PACRG: variants seen among roughly 807,000 people sequenced by gnomAD.
PACRG encodes parkin coregulated gene protein.
In PACRG, 29 loss-of-function variants were observed where a neutral mutation model predicts 29.7. That is an observed-to-expected ratio of 0.98 (90% CI 0.73 to 1.33). The LOEUF (loss-of-function observed/expected upper bound fraction) is 1.33. PACRG is among the 40% of genes most tolerant of loss of function. The probability of loss-of-function intolerance (pLI) is 0.00; values close to 1 mark genes in which losing one functional copy is unlikely to be tolerated. For synonymous variants in PACRG, 116 were observed against 118.7 expected, an observed-to-expected ratio of 0.98 and a Z score of 0.15; for missense variants, 279 against 316.2, an observed-to-expected ratio of 0.88 and a Z score of 0.89.
At chr6:163,194,490 G>C (rs1780358314) in intron 4 of PACRG, among the ~76,000 whole-genome samples, 1 of 152,118 alleles carries the variant, frequency 6.6e-6, no homozygotes, top group Non-Finnish European at 1.5e-5. Flanking sequence ...CCTCCAGGCT[G>C]GTGGTGTCTG....
intron 4 of PACRG, among the ~76,000 whole-genome samples, chr6:163,277,651 A>ATGTG (rs568665734): frequency 6.8e-6 from 1 of 146,640 alleles, no homozygotes; most frequent in Non-Finnish European, 1.5e-5. Flanking sequence ...ATATATGTAT[A>ATGTG]TGTGTGTGTG....
At chr6:163,216,907 G>T (rs148550330) in intron 4 of PACRG, among the ~76,000 whole-genome samples, 1 of 152,166 alleles carries the variant, frequency 6.6e-6, no homozygotes, top group African/African-American at 2.4e-5. Context: ...CTTTCAACTT[G>T]CATTGTCTAA....
chr6:163,151,811 T>C (rs1286986115), intron 4 of PACRG, among the ~76,000 whole-genome samples: 1 of 152,248 alleles, frequency 6.6e-6, no homozygotes, highest in East Asian at 1.9e-4. Flanking sequence ...CAAAGCTGTA[T>C]GTCTAGAATG....
chr6:163,231,512 G>A (rs1305661340), intron 4 of PACRG, among the ~76,000 whole-genome samples: 2 of 152,138 alleles, frequency 1.3e-5, no homozygotes, highest in Non-Finnish European at 2.9e-5. Flanking sequence ...CACCCTGCAC[G>A]GATGCAGACA....
chr6:163,185,510 T>G (rs1471716099), intron 4 of PACRG, among the ~76,000 whole-genome samples: 1 of 152,152 alleles, frequency 6.6e-6, no homozygotes, highest in Non-Finnish European at 1.5e-5. Flanking sequence ...TGCAAATATA[T>G]AAGCCATTTT....
At chr6:163,074,839 T>C (rs756657565) in intron 3 of PACRG, among the ~76,000 whole-genome samples, 1 of 151,982 alleles carries the variant, frequency 6.6e-6, no homozygotes, top group African/African-American at 2.4e-5. Context: ...TTAAAAAAAT[T>C]AATTAGCCAG....
At chr6:162,867,505 G>A (rs550094967) in intron 2 of PACRG, among the ~76,000 whole-genome samples, 113 of 152,124 alleles carry the variant, frequency 7.4e-4, no homozygotes, top group African/African-American at 2.3e-3. Flanking sequence ...CCTTGAAGCC[G>A]CTTCAGGTTC....
chr6:163,118,465 T>A (rs769054613), intron 4 of PACRG, among the ~76,000 whole-genome samples: 1 of 152,198 alleles, frequency 6.6e-6, no homozygotes, highest in Non-Finnish European at 1.5e-5. Context: ...CACAAAAAAA[T>A]ATTTTTTAAG....
intron 4 of PACRG, among the ~76,000 whole-genome samples, chr6:163,196,188 C>G (rs1040802005): frequency 6.6e-6 from 1 of 152,226 alleles, no homozygotes; most frequent in Non-Finnish European, 1.5e-5. Context: ...GAAGTAGAAC[C>G]GTGCCCTGCA....
At chr6:162,737,432 C>T (rs577872300) in intron 1 of PACRG, among the ~76,000 whole-genome samples, 82 of 152,150 alleles carry the variant, frequency 5.4e-4, no homozygotes, top group Non-Finnish European at 1.0e-3. Context: ...TGGGGAAGAT[C>T]TCAGAAAACT....
intron 2 of PACRG, among the ~76,000 whole-genome samples, chr6:162,980,990 GAGC>G (rs961504898): frequency 2.0e-5 from 3 of 151,870 alleles, no homozygotes; most frequent in African/African-American, 7.3e-5. Flanking sequence ...CCCATCACCC[GAGC>G]AGTGTCTACT....
chr6:163,168,743 G>A (rs909145928), intron 4 of PACRG, among the ~76,000 whole-genome samples: 5 of 152,154 alleles, frequency 3.3e-5, no homozygotes, highest in African/African-American at 1.2e-4. Flanking sequence ...TTATTCCTGT[G>A]AACCATATTC....
intron 3 of PACRG, among the ~76,000 whole-genome samples, chr6:163,063,320 C>T (rs1585125321): frequency 6.6e-6 from 1 of 152,154 alleles, no homozygotes; most frequent in South Asian, 2.1e-4. Context: ...GAGGAGGCCC[C>T]TGCTCCCCCC....
intron 2 of PACRG, among the ~76,000 whole-genome samples, chr6:162,880,167 G>T (rs1427220877): frequency 6.6e-6 from 1 of 152,200 alleles, no homozygotes; most frequent in Non-Finnish European, 1.5e-5. Flanking sequence ...CTGCCCTTTA[G>T]TTGCAGCTCG....
intron 4 of PACRG, among the ~76,000 whole-genome samples, chr6:163,267,325 A>G (rs1783566664): frequency 6.6e-6 from 1 of 152,198 alleles, no homozygotes; most frequent in Non-Finnish European, 1.5e-5. Context: ...ATTTACCAAG[A>G]AACTATTGAA....
intron 4 of PACRG, among the ~76,000 whole-genome samples, chr6:163,296,934 C>G (rs1017455777): frequency 2.7e-5 from 4 of 147,876 alleles, no homozygotes; most frequent in African/African-American, 1.1e-4. Context: ...AAAAGAAATA[C>G]CAGATAATTT....
chr6:163,062,364 T>C, intron 3 of PACRG, 43 bp downstream of exon 3: 1 of 1,544,924 alleles, frequency 6.5e-7, no homozygotes, highest in Non-Finnish European at 8.7e-7. Context: ...TTATACGGTG[T>C]TGCTTTTTGA....
chr6:162,873,358 C>CA (rs1002795092), intron 2 of PACRG, among the ~76,000 whole-genome samples: 3 of 152,112 alleles, frequency 2.0e-5, no homozygotes, highest in Non-Finnish European at 1.5e-5. Context: ...ATTATTTTCT[C>CA]AATTTTAGTG....
At chr6:163,271,997 C>A (rs969510170) in intron 4 of PACRG, among the ~76,000 whole-genome samples, 1 of 151,292 alleles carries the variant, frequency 6.6e-6, no homozygotes, top group African/African-American at 2.4e-5. Context: ...CTATTGAAGT[C>A]TGTGTATTTG....
Sources: gnomAD v4.1 joint callset for allele counts (sites outside exome capture counted in the v4.1 genomes callset) on GRCh38, gnomAD v4.1.1 for gene constraint, MANE v1.5 for transcripts, NCBI Gene and HGNC (gene_info 2026-07-23, HGNC 2026-07-21) for gene names.